The following GALNTL6 variants were observed in gnomAD, a reference collection of about 807,000 sequenced individuals.
The protein encoded by GALNTL6 is polypeptide N-acetylgalactosaminyltransferase like 6.
In GALNTL6, 46 loss-of-function variants were observed where a neutral mutation model predicts 73.7. The observed-to-expected ratio is 0.62, with a 90% CI of 0.49 to 0.80. The LOEUF is 0.80. GALNTL6 is among the 30% of genes least tolerant of loss of function. GALNTL6 has a pLI of 0.00. For missense variants in GALNTL6, 604 were observed against 755.0 expected, an observed-to-expected ratio of 0.80 and a Z score of 2.34; for synonymous variants, 259 against 263.7, an observed-to-expected ratio of 0.98 and a Z score of 0.17.
At position 172,633,851 on chromosome 4, in the gene GALNTL6, T is replaced by G. The variant is rs569403201; in HGVS notation, c.554-175510T>G. Among the ~76,000 whole-genome samples, 92 of 152,340 alleles carry G rather than the reference T, an allele frequency of 6.0e-4. 1 individual carries two copies. The South Asian group carries it at 0.016, about 26-fold the overall frequency. ...TCTCGTGGTAGTCAGTTTCATGAGA[T>G]CTGATGGTTTTATAAATGGGAGTTC... On this transcript the variant is annotated intron_variant, in intron 5 of 12. Transcript: ENST00000506823.
At chr4:172,271,680 A>G (rs7672259) in intron 3 of GALNTL6, among the ~76,000 whole-genome samples, 2,802 of 152,150 alleles carry the variant, frequency 0.018, 83 homozygotes, top group African/African-American at 0.062. Flanking sequence ...TTAAATATAC[A>G]TTATGCATAC....
intron 2 of GALNTL6, among the ~76,000 whole-genome samples, chr4:171,948,218 C>T (rs1578997678): frequency 6.6e-6 from 1 of 151,988 alleles, no homozygotes; most frequent in East Asian, 1.9e-4. Context: ...CTTTATTTCC[C>T]TTGAAGCTGT....
intron 5 of GALNTL6, among the ~76,000 whole-genome samples, chr4:172,747,011 AAAATTAATATTATGTTT>A (rs1737151683): frequency 6.6e-6 from 1 of 152,294 alleles, no homozygotes; most frequent in African/African-American, 2.4e-5. Context: ...TGCAGGATAC[AAAATTAATATTATGTTT>A]ATATACTAAC....
intron 5 of GALNTL6, among the ~76,000 whole-genome samples, chr4:172,441,113 G>C (rs1731821993): frequency 6.6e-6 from 1 of 151,948 alleles, no homozygotes; most frequent in African/African-American, 2.4e-5. Flanking sequence ...TATGATGTTA[G>C]AATTCAAATT....
chr4:172,109,701 ATAT>A (rs1260627532), intron 2 of GALNTL6, among the ~76,000 whole-genome samples: 3 of 152,172 alleles, frequency 2.0e-5, no homozygotes, highest in African/African-American at 7.2e-5. Context: ...TGTAAAACTG[ATAT>A]TAACCACATG....
chr4:172,675,138 G>GTTTTTTTT, intron 5 of GALNTL6, among the ~76,000 whole-genome samples: 1 of 149,678 alleles, frequency 6.7e-6, no homozygotes. Context: ...CTGATCTTTA[G>GTTTTTTTT]TTTTTTTTTT....
chr4:172,030,171 A>G (rs1741723649), intron 2 of GALNTL6, among the ~76,000 whole-genome samples: 1 of 152,180 alleles, frequency 6.6e-6, no homozygotes, highest in Non-Finnish European at 1.5e-5. Context: ...CCACATTGCC[A>G]TAAAAACCAA....
At chr4:172,703,907 C>G (rs1331524143) in intron 5 of GALNTL6, among the ~76,000 whole-genome samples, 2 of 151,922 alleles carry the variant, frequency 1.3e-5, no homozygotes. Flanking sequence ...TCTGTATACT[C>G]ATGGTTCAAT....
intron 4 of GALNTL6, 53 bp from the exon 5 acceptor site, chr4:172,348,470 G>T: frequency 7.3e-7 from 1 of 1,371,002 alleles, no homozygotes; most frequent in Non-Finnish European, 1.0e-6. Context: ...AACAGAATAA[G>T]ATATACAAGA....
rs927545622 is a variant in GALNTL6 at position 171,990,106 on chromosome 4, T to C, written c.138+175388T>C. Among the ~76,000 whole-genome samples the C allele has an allele frequency of 5.3e-5, 8 of 152,258 alleles. No homozygotes were observed. The South Asian group carries it at 1.2e-3, about 24-fold the overall frequency. ...AGAATTGGGACCTAGCTCGGCCTGC[T>C]GAGGAGCAGCCTGGGGAGAAGGCTT... On this transcript the variant is annotated intron_variant, in intron 2 of 12. Coordinates refer to ENST00000506823, the MANE Select transcript of GALNTL6 (RefSeq NM_001034845.3).
chr4:173,009,358 G>A (rs1049891118), intron 11 of GALNTL6, 64 bp downstream of exon 11: 1 of 950,090 alleles, frequency 1.1e-6, no homozygotes, highest in Non-Finnish European at 1.7e-6. Context: ...GACACAGAGG[G>A]ATGCAGCTGG....
intron 3 of GALNTL6, among the ~76,000 whole-genome samples, chr4:172,309,382 G>A (rs1382609642): frequency 4.6e-5 from 7 of 150,552 alleles, no homozygotes; most frequent in Non-Finnish European, 1.0e-4. Context: ...GGTTACTAAA[G>A]TGAAAAATAT....
intron 2 of GALNTL6, among the ~76,000 whole-genome samples, chr4:172,015,098 G>GT (rs1054396962): frequency 6.6e-5 from 10 of 151,970 alleles, no homozygotes; most frequent in Non-Finnish European, 4.4e-5. Flanking sequence ...TAAGTTCATT[G>GT]TTTTTTTGTT....
chr4:173,031,014 AAGAGAGAG>A (rs10655625), intron 12 of GALNTL6, among the ~76,000 whole-genome samples: 5 of 148,264 alleles, frequency 3.4e-5, no homozygotes, highest in East Asian at 2.0e-4. Context: ...AAGAAAAGAA[AAGAGAGAG>A]AGAGAGAGAG....
chr4:172,761,491 T>G (rs1738085194), intron 5 of GALNTL6, among the ~76,000 whole-genome samples: 1 of 152,186 alleles, frequency 6.6e-6, no homozygotes, highest in Non-Finnish European at 1.5e-5. Flanking sequence ...TATAGTTTGG[T>G]TCTGTGTCCC....
At chr4:173,013,953 G>A (rs988016306) in intron 11 of GALNTL6, among the ~76,000 whole-genome samples, 7 of 151,944 alleles carry the variant, frequency 4.6e-5, no homozygotes, top group East Asian at 1.9e-4. Flanking sequence ...AAGGCATATC[G>A]GAACATGACA....
intron 2 of GALNTL6, among the ~76,000 whole-genome samples, chr4:172,063,060 C>T (rs1162944566): frequency 6.6e-6 from 1 of 152,188 alleles, no homozygotes; most frequent in Non-Finnish European, 1.5e-5. Context: ...CAGAGTAAGT[C>T]TAAGAAGTTC....
intron 9 of GALNTL6, among the ~76,000 whole-genome samples, chr4:172,939,044 C>T (rs1748775241): frequency 1.3e-5 from 2 of 152,214 alleles, no homozygotes; most frequent in Non-Finnish European, 2.9e-5. Context: ...TGGCTCATGC[C>T]TGTAATCCCA....
At position 172,282,666 on chromosome 4, in the gene GALNTL6, CA is replaced by C. The variant is rs202167171; in HGVS notation, c.248-28934del. Among the ~76,000 whole-genome samples, 392 of 123,454 alleles carry C rather than the reference CA, an allele frequency of 3.2e-3. 3 individuals are homozygous for C. The highest frequency in any genetic ancestry group is 0.013 in the South Asian group (47 of 3,648). 81.0% of individuals were successfully genotyped at this position (123,454 alleles called of 152,430 possible). ...GTGTGGAGAATGAGTTGAAATGGGGCAAAAAAAAAAAAAAGCAAAATGACTA... is the reference window on the plus strand; with the variant it reads ...GTGTGGAGAATGAGTTGAAATGGGGCAAAAAAAAAAAAAGCAAAATGACTA... On this transcript the variant is annotated intron_variant, in intron 3 of 12. Transcript: ENST00000506823.
Sources: allele counts gnomAD v4.1 joint callset (sites outside exome capture counted in the v4.1 genomes callset), GRCh38; gene constraint gnomAD v4.1.1; transcripts MANE v1.5; gene names NCBI Gene and HGNC (gene_info 2026-07-23, HGNC 2026-07-21).